Variants in GLRA2 observed in about 807,000 individuals in gnomAD.
GLRA2 encodes the protein glycine receptor subunit alpha-2.
In GLRA2, 11 loss-of-function variants were observed where a neutral mutation model predicts 31.6. The observed-to-expected ratio is 0.35, with a 90% CI of 0.22 to 0.58. The LOEUF is 0.58. Among genes scored for constraint, GLRA2 ranks in the 20% least tolerant of loss-of-function variants. The pLI is 0.84. For synonymous variants in GLRA2, 132 were observed against 134.0 expected, an observed-to-expected ratio of 0.99 and a Z score of 0.10; for missense variants, 212 against 351.8, an observed-to-expected ratio of 0.60 and a Z score of 3.18.
intron 8 of GLRA2, among the ~76,000 whole-genome samples, chrX:14,710,402 T>A (rs1451612157): frequency 8.9e-6 from 1 of 111,984 alleles, no homozygotes; most frequent in African/African-American, 3.2e-5. Flanking sequence ...AAGACAGGCC[T>A]CTGTGAACAC....
chrX:14,494,939 C>G, the GLRA2 span, among the ~76,000 whole-genome samples: 2 of 111,872 alleles, frequency 1.8e-5, no homozygotes, highest in African/African-American at 3.2e-5. Flanking sequence ...TTAATCAGTC[C>G]TCTGTATGAT....
chrX:14,473,105 G>C, the GLRA2 span, among the ~76,000 whole-genome samples: 1 of 111,671 alleles, frequency 9.0e-6, no homozygotes, highest in Admixed American at 9.5e-5. Context: ...AAGAAAATTA[G>C]AGAGGAGATT....
At chrX:14,519,563 T>C in the GLRA2 span, among the ~76,000 whole-genome samples, 1 of 112,121 alleles carries the variant, frequency 8.9e-6, no homozygotes, top group Non-Finnish European at 1.9e-5. Flanking sequence ...TTAGGTATTA[T>C]AGAATTAGTA....
At chrX:14,492,287 G>C in the GLRA2 span, among the ~76,000 whole-genome samples, 1 of 111,078 alleles carries the variant, frequency 9.0e-6, no homozygotes, top group Non-Finnish European at 1.9e-5. Flanking sequence ...AGGTTTCCTT[G>C]AGTGTCACTG....
the GLRA2 span, among the ~76,000 whole-genome samples, chrX:14,499,002 C>T: frequency 2.7e-5 from 3 of 112,165 alleles, no homozygotes; most frequent in Non-Finnish European, 5.7e-5. Flanking sequence ...TTTCTGTATC[C>T]ATTCATCCAT....
At chrX:14,535,646 A>G (rs932959858) in intron 2 of GLRA2, among the ~76,000 whole-genome samples, 1 of 112,393 alleles carries the variant, frequency 8.9e-6, no homozygotes, top group African/African-American at 3.2e-5. Flanking sequence ...TCAGATAAAA[A>G]CACAAGCTAT....
rs190594807 is a variant in GLRA2, at chrX:14,604,640, A to G, written c.577+243A>G. Reference sequence around the variant, plus strand: ...TACAGCATAGGCAACCTTTCAAAGTAAAATGCCAAATAACTTGCCTTTCTC... The same window carrying G: ...TACAGCATAGGCAACCTTTCAAAGTGAAATGCCAAATAACTTGCCTTTCTC... On this transcript the variant is annotated intron_variant, in intron 5 of 8. Coordinates refer to ENST00000218075, the MANE Select transcript of GLRA2 (RefSeq NM_002063.4). Among the ~76,000 whole-genome samples, 10 of 108,445 alleles carry G rather than the reference A, an allele frequency of 9.2e-5. No homozygotes were observed. In the East Asian group the frequency reaches 2.9e-3, roughly 32 times the overall value. 94.2% of individuals were successfully genotyped at this position (108,445 alleles called of 115,157 possible).
chrX:14,514,465 G>C, the GLRA2 span, among the ~76,000 whole-genome samples: 231 of 111,099 alleles, frequency 2.1e-3, no homozygotes, highest in African/African-American at 7.2e-3. Context: ...AAAAGAAAAA[G>C]GAAATGGAGC....
At chrX:14,568,715 G>A (rs202050707) in intron 2 of GLRA2, among the ~76,000 whole-genome samples, 28 of 98,203 alleles carry the variant, frequency 2.9e-4, no homozygotes, top group East Asian at 9.4e-4. Context: ...AAAAAGAAAA[G>A]AAAAAAAAGA....
intron 7 of GLRA2, among the ~76,000 whole-genome samples, chrX:14,639,688 A>G (rs1209360122): frequency 3.6e-5 from 4 of 111,739 alleles, no homozygotes; most frequent in Non-Finnish European, 7.5e-5. Flanking sequence ...TAAAATTTCT[A>G]AATTCTAACA....
the GLRA2 span, among the ~76,000 whole-genome samples, chrX:14,458,132 T>C: frequency 9.0e-6 from 1 of 110,826 alleles, no homozygotes; most frequent in Non-Finnish European, 1.9e-5. Context: ...TTTGGTTTCT[T>C]GTCCTTGTGA....
At chrX:14,682,331 T>C (rs958446770) in intron 7 of GLRA2, among the ~76,000 whole-genome samples, 5 of 110,856 alleles carry the variant, frequency 4.5e-5, no homozygotes, top group Non-Finnish European at 7.6e-5. Context: ...CATGTGGAAC[T>C]GATACAAGTA....
chrX:14,524,368 A>T (rs1021771193), upstream of GLRA2, among the ~76,000 whole-genome samples: 3 of 111,748 alleles, frequency 2.7e-5, no homozygotes, highest in Non-Finnish European at 5.6e-5. Context: ...CTATAGTGAG[A>T]AGAGAGTCTA....
chrX:14,601,001 G>GTT (rs746340611), intron 4 of GLRA2, among the ~76,000 whole-genome samples: 3 of 60,474 alleles, frequency 5.0e-5, no homozygotes, highest in Non-Finnish European at 9.9e-5. Flanking sequence ...CTTTGTTGTT[G>GTT]TTTTTTTTTT....
chrX:14,465,516 A>T, the GLRA2 span, among the ~76,000 whole-genome samples: 2 of 112,188 alleles, frequency 1.8e-5, no homozygotes, highest in Admixed American at 9.5e-5. Context: ...TAATTGTATT[A>T]TTCTCTTGCA....
the GLRA2 span, among the ~76,000 whole-genome samples, chrX:14,494,488 A>G: frequency 9.0e-6 from 1 of 111,431 alleles, no homozygotes; most frequent in Admixed American, 9.5e-5. Context: ...TGATCACAAA[A>G]CTGGTTTTTT....
At chrX:14,683,784 C>A (rs1201050509) in intron 7 of GLRA2, among the ~76,000 whole-genome samples, 1 of 110,544 alleles carries the variant, frequency 9.0e-6, no homozygotes, top group Non-Finnish European at 1.9e-5. Flanking sequence ...ATTTTCCCAG[C>A]ACCATTTATT....
intron 7 of GLRA2, among the ~76,000 whole-genome samples, chrX:14,628,357 C>T (rs1467723756): frequency 9.0e-6 from 1 of 111,113 alleles, no homozygotes; most frequent in Non-Finnish European, 1.9e-5. Flanking sequence ...AATGGTGCAT[C>T]TTATGATTGC....
intron 3 of GLRA2, among the ~76,000 whole-genome samples, chrX:14,575,910 TA>T (rs1191955540): frequency 1.8e-5 from 2 of 111,559 alleles, no homozygotes; most frequent in African/African-American, 6.5e-5. Flanking sequence ...TTATTTACTT[TA>T]AGTCCTAAAT....
Sources: allele counts gnomAD v4.1 joint callset (sites outside exome capture counted in the v4.1 genomes callset), GRCh38; gene constraint gnomAD v4.1.1; transcripts MANE v1.5; gene names NCBI Gene and HGNC (gene_info 2026-07-23, HGNC 2026-07-21).